LRRC28: variants seen among roughly 807,000 people sequenced by gnomAD.
LRRC28 encodes leucine-rich repeat-containing protein 28.
A neutral mutation model predicts 45.7 loss-of-function variants in LRRC28; 39 were observed. That is an observed-to-expected ratio of 0.85 (90% CI 0.66 to 1.12). LRRC28 has a LOEUF of 1.12. LRRC28 is among the 50% of genes most tolerant of loss of function. The pLI is 0.00. For synonymous variants in LRRC28, 206 were observed against 178.8 expected, an observed-to-expected ratio of 1.15 and a Z score of -1.22; for missense variants, 435 against 438.5, an observed-to-expected ratio of 0.99 and a Z score of 0.07.
At chr15:99,261,163 G>A (rs1370582903) in intron 2 of LRRC28, among the ~76,000 whole-genome samples, 1 of 152,194 alleles carries the variant, frequency 6.6e-6, no homozygotes, top group Non-Finnish European at 1.5e-5. Flanking sequence ...GAATGCTCAT[G>A]TTTAGAACTA....
chr15:99,367,221 TTTG>T (rs1294555794), intron 9 of LRRC28, among the ~76,000 whole-genome samples: 1 of 152,232 alleles, frequency 6.6e-6, no homozygotes, highest in Non-Finnish European at 1.5e-5. Context: ...GTTCAGTTAA[TTTG>T]TTAGAGTGGC....
chr15:99,254,369 A>G (rs2080954557), intron 1 of LRRC28, among the ~76,000 whole-genome samples: 1 of 152,256 alleles, frequency 6.6e-6, no homozygotes, highest in African/African-American at 2.4e-5. Context: ...TGAAAATAAT[A>G]AAATATAGCC....
intron 9 of LRRC28, among the ~76,000 whole-genome samples, chr15:99,379,245 T>G (rs1290743854): frequency 6.6e-6 from 1 of 152,236 alleles, no homozygotes; most frequent in Non-Finnish European, 1.5e-5. Context: ...GGGATTCAAC[T>G]TCTTCCTGGT....
intron 9 of LRRC28, among the ~76,000 whole-genome samples, chr15:99,364,239 C>T (rs1202455368): frequency 1.3e-5 from 2 of 152,182 alleles, no homozygotes; most frequent in African/African-American, 4.8e-5. Flanking sequence ...GGGGATACAA[C>T]AGCCTGCGTG....
At chr15:99,370,761 A>T (rs181760704) in intron 9 of LRRC28, among the ~76,000 whole-genome samples, 2 of 152,310 alleles carry the variant, frequency 1.3e-5, no homozygotes, top group East Asian at 3.9e-4. Context: ...AAGCAATTAT[A>T]GGTGTGAATA....
intron 6 of LRRC28, among the ~76,000 whole-genome samples, chr15:99,347,129 T>G (rs1956709172): frequency 6.6e-6 from 1 of 152,206 alleles, no homozygotes; most frequent in South Asian, 2.1e-4. Context: ...GTTCATCCTA[T>G]ATGTCTGCTA....
At chr15:99,380,305 C>G (rs1036408042) in intron 9 of LRRC28, among the ~76,000 whole-genome samples, 3 of 152,120 alleles carry the variant, frequency 2.0e-5, no homozygotes, top group Non-Finnish European at 4.4e-5. Context: ...CCTTCTTTGT[C>G]TCTTTTGATC....
intron 2 of LRRC28, among the ~76,000 whole-genome samples, chr15:99,268,486 G>C (rs2081389130): frequency 6.6e-6 from 1 of 152,098 alleles, no homozygotes; most frequent in South Asian, 2.1e-4. Flanking sequence ...AAAACCATTG[G>C]TGTATGTATG....
At chr15:99,290,512 C>G (rs2082093825) in intron 5 of LRRC28, among the ~76,000 whole-genome samples, 1 of 151,972 alleles carries the variant, frequency 6.6e-6, no homozygotes, top group Admixed American at 6.6e-5. Context: ...TGAAGATTGC[C>G]TAGAAAATGT....
chr15:99,293,773 C>T (rs994698573), intron 5 of LRRC28, among the ~76,000 whole-genome samples: 1 of 152,034 alleles, frequency 6.6e-6, no homozygotes, highest in African/African-American at 2.4e-5. Flanking sequence ...TGGTGTGAGC[C>T]ACTGCACCTG....
intron 2 of LRRC28, among the ~76,000 whole-genome samples, chr15:99,262,045 T>G (rs2081212200): frequency 6.6e-6 from 1 of 152,216 alleles, no homozygotes; most frequent in East Asian, 1.9e-4. Context: ...CTGTACCACC[T>G]TCCACCTCCT....
intron 5 of LRRC28, among the ~76,000 whole-genome samples, chr15:99,321,860 A>G (rs1314560623): frequency 1.3e-5 from 2 of 152,216 alleles, no homozygotes; most frequent in African/African-American, 2.4e-5. Context: ...AGTGGGAGGT[A>G]CACACTGTGG....
chr15:99,322,897 C>A (rs1955848266), intron 5 of LRRC28, among the ~76,000 whole-genome samples: 1 of 152,286 alleles, frequency 6.6e-6, no homozygotes, highest in African/African-American at 2.4e-5. Context: ...TGGAAAGAAC[C>A]AGGCTACTGA....
intron 5 of LRRC28, among the ~76,000 whole-genome samples, chr15:99,324,795 CTT>C (rs1378253052): frequency 1.3e-5 from 2 of 152,232 alleles, no homozygotes; most frequent in East Asian, 3.9e-4. Flanking sequence ...GGTGTACAGA[CTT>C]ATGTTTGCTC....
rs775894135 is a variant in LRRC28 at position 99,352,400 on chromosome 15, A to G, written c.624A>G (p.Val208=). 4 of 1,613,930 alleles carry G rather than the reference A, an allele frequency of 2.5e-6. No individual in the cohort carries two copies. The Admixed American group carries it at 6.7e-5, about 27-fold the overall frequency. The part of the protein sequence containing the change: ...DLGRSRELQY[V]YVDNNIHLKG... ...GTCGATCTCGAGAACTACAGTATGT[A>G]TACGTGGATAACAACATTCACCTGA... Residue 208 remains valine, a synonymous_variant, in exon 7 of 10, where the codon GTA becomes GTG. Coordinates refer to ENST00000301981, the MANE Select transcript of LRRC28 (RefSeq NM_144598.5).
chr15:99,312,988 G>T (rs1460079580), intron 5 of LRRC28, among the ~76,000 whole-genome samples: 2 of 152,146 alleles, frequency 1.3e-5, no homozygotes, highest in African/African-American at 2.4e-5. Flanking sequence ...TCAAAAGGAA[G>T]AGATTTTCCA....
chr15:99,334,274 G>A (rs1956250054), intron 6 of LRRC28, 145 bp downstream of exon 6: 22 of 826,408 alleles, frequency 2.7e-5, no homozygotes, highest in Middle Eastern at 2.4e-4. Flanking sequence ...TGAACAAAGC[G>A]TCATTCCTAG....
intron 9 of LRRC28, among the ~76,000 whole-genome samples, chr15:99,364,609 A>T (rs2152328595): frequency 6.6e-6 from 1 of 152,342 alleles, no homozygotes; most frequent in Non-Finnish European, 1.5e-5. Context: ...AGATACGTTT[A>T]TGAGAATCTT....
At chr15:99,330,098 A>C (rs1270117468) in intron 5 of LRRC28, among the ~76,000 whole-genome samples, 1 of 152,200 alleles carries the variant, frequency 6.6e-6, no homozygotes, top group Non-Finnish European at 1.5e-5. Flanking sequence ...ATTTTTAAAA[A>C]TTCTTTCGAG....
Sources: allele counts gnomAD v4.1 joint callset (sites outside exome capture counted in the v4.1 genomes callset), GRCh38; gene constraint gnomAD v4.1.1; transcripts MANE v1.5; gene names NCBI Gene and HGNC (gene_info 2026-07-23, HGNC 2026-07-21).